The following SV2B variants were observed in gnomAD, a reference collection of about 807,000 sequenced individuals.
SV2B encodes synaptic vesicle glycoprotein 2B, also known as solute carrier family 22 member B2.
Under a neutral mutation model 73.9 loss-of-function variants are expected in SV2B, and 41 were observed. The observed-to-expected ratio is 0.56, with a 90% CI of 0.43 to 0.72. The LOEUF is 0.72. Ranked by LOEUF, SV2B falls within the 30% of genes least tolerant of loss-of-function variation. The pLI is 0.00. For synonymous variants in SV2B, 314 were observed against 314.2 expected (o/e 1.00, Z 0.01); for missense variants, 764 against 857.8 (o/e 0.89, Z 1.37).
intron 1 of SV2B, among the ~76,000 whole-genome samples, chr15:91,125,649 C>G (rs995351642): frequency 6.6e-6 from 1 of 151,718 alleles, no homozygotes; most frequent in African/African-American, 2.4e-5. Flanking sequence ...GTGGTGCACG[C>G]CTGTAGTCCC....
rs113626983 is a variant in SV2B, at chr15:91,271,002, G to C, written c.1373+2397G>C. On this transcript the variant is annotated intron_variant, in intron 9 of 12. Coordinates refer to ENST00000394232, the MANE Select transcript of SV2B (RefSeq NM_001323032.3). ...GCGGACGGTGAGTCCTGTGGATGAT[G>C]GGAGGACGGTGAGTCCTGTGGATGA... 9.3e-5 allele frequency among the ~76,000 whole-genome samples: 14 copies of C among 150,530 alleles called. 1 individual carries two copies. Among genetic ancestry groups the C allele is most frequent in the African/African-American group, 3.2e-4 (13 of 40,224 alleles).
At position 91,267,653 on chromosome 15, in the gene SV2B, G is replaced by T. The variant is rs769294570; in HGVS notation, c.1208+10G>T. 1 of 1,606,862 alleles carries T rather than the reference G, an allele frequency of 6.2e-7. No homozygotes were observed. The highest frequency in any genetic ancestry group is 8.5e-7 in the Non-Finnish European group (1 of 1,175,708). On this transcript the variant is annotated intron_variant, in intron 8 of 12. Coordinates refer to ENST00000394232, the MANE Select transcript of SV2B (RefSeq NM_001323032.3). The surrounding 1 kb of genome is among the most constrained non-coding windows in gnomAD (Gnocchi z 4.3). ...TTGCCATGGCATTCAGGTAAGTTCTGTCTTACTTAAATTTCGTAATTCCCT... is the reference window on the plus strand; with the variant it reads ...TTGCCATGGCATTCAGGTAAGTTCTTTCTTACTTAAATTTCGTAATTCCCT...
chr15:91,294,704 C>G lies in SV2B; in HGVS notation c.*2152C>G, dbSNP rs1160732059. ...AAAAAACTTGCAGGACAGTTAGAGC[C>G]TGCATTTCTAGTTAAGATGGATCTT... On this transcript the variant is annotated 3_prime_UTR_variant, in exon 13 of 13. Coordinates refer to ENST00000394232, the MANE Select transcript of SV2B (RefSeq NM_001323032.3). This position sits in a 1 kb window ranked among gnomAD's most constrained non-coding sequence, Gnocchi z 4.1. The G allele has an allele frequency of 1.3e-5, 2 of 152,168 alleles. No homozygotes were observed. Among genetic ancestry groups the G allele is most frequent in the Non-Finnish European group, 2.9e-5 (2 of 68,032 alleles). The allele number at this position is 152,168 out of a possible 1,614,324, so 9.4% of individuals were successfully genotyped here. A position where few individuals can be genotyped will look rare whatever the true frequency, so the allele number is the denominator to read the frequency against.
In SV2B at chr15:91,226,591, A is replaced by G; in HGVS notation, c.328A>G (p.Ile110Val). The change falls in exon 2 of 13, where the codon ATC becomes GTC. Residue 110 changes from isoleucine to valine, a missense_variant. Ile to Val is a conservative substitution (Grantham distance 29, BLOSUM62 3). Coordinates refer to ENST00000394232, the MANE Select transcript of SV2B (RefSeq NM_001323032.3). Reference sequence around the variant, plus strand: ...GTGTGGCCATGGCCGCTTCCAGTGGATCCTCTTTTTCGTCTTGGGTTTGGC... The same window carrying G: ...GTGTGGCCATGGCCGCTTCCAGTGGGTCCTCTTTTTCGTCTTGGGTTTGGC... ...DECGHGRFQWILFFVLGLALM... is the reference protein window; with the variant it reads ...DECGHGRFQWVLFFVLGLALM... The G allele has an allele frequency of 1.9e-6, 3 of 1,614,104 alleles. No individual in the cohort carries two copies. The highest frequency in any genetic ancestry group is 2.5e-6 in the Non-Finnish European group (3 of 1,180,006).
At chr15:91,185,241 A>AT (rs2141330557) in intron 1 of SV2B, among the ~76,000 whole-genome samples, 1 of 152,292 alleles carries the variant, frequency 6.6e-6, no homozygotes, top group South Asian at 2.1e-4. Context: ...AGCTAATCCA[A>AT]TTAAAGGATA....
At chr15:91,166,621 C>A (rs879803704) in intron 1 of SV2B, among the ~76,000 whole-genome samples, 3 of 151,824 alleles carry the variant, frequency 2.0e-5, no homozygotes, top group Admixed American at 2.0e-4. Flanking sequence ...CCATAGGTCC[C>A]GAATCTGTAT....
rs1403350808 is a variant in SV2B, at chr15:91,300,077, T to C, written c.*7525T>C. Reference sequence around the variant, plus strand: ...GTTTAATATACTTGCTGTGCACTAGTCAGTTTTGATTCAGGTTACATAAGG... The same window carrying C: ...GTTTAATATACTTGCTGTGCACTAGCCAGTTTTGATTCAGGTTACATAAGG... On this transcript the variant is annotated 3_prime_UTR_variant, in exon 13 of 13. Transcript: ENST00000394232. 1 of 152,220 alleles carries C rather than the reference T, an allele frequency of 6.6e-6. No homozygotes were observed. Among genetic ancestry groups the C allele is most frequent in the Non-Finnish European group, 1.5e-5 (1 of 68,018 alleles). 9.4% of individuals were successfully genotyped at this position (152,220 alleles called of 1,614,324 possible). A position where few individuals can be genotyped will look rare whatever the true frequency, so the allele number is the denominator to read the frequency against.
rs61470181 is a variant in SV2B, at chr15:91,136,955, T to A, written c.-392+36592T>A. Among the ~76,000 whole-genome samples, 11,511 of 152,180 alleles carry A rather than the reference T, an allele frequency of 0.076. 1,486 individuals are homozygous for A. Among genetic ancestry groups the A allele is most frequent in the African/African-American group, 0.26 (10,835 of 41,446 alleles). On this transcript the variant is annotated intron_variant, in intron 1 of 12. Transcript: ENST00000394232. The surrounding 1 kb of genome is among the most constrained non-coding windows in gnomAD (Gnocchi z 5.6). ...GGATTTTGGCAGATGAAGGAAAAAC[T>A]ATCTGCTCCTGAATGAAAATTTGAT...
At position 91,197,485 on chromosome 15, in the gene SV2B, T is replaced by A. The variant is rs56007605; in HGVS notation, c.-391-28388T>A. Among the ~76,000 whole-genome samples, 5,214 of 151,052 alleles carry A rather than the reference T, an allele frequency of 0.035. 287 individuals carry two copies. The highest frequency in any genetic ancestry group is 0.12 in the African/African-American group (4,814 of 41,158). ...GTCATCCACCTGCCTCGGCCTCCCA[T>A]AGTGCTGGGATTACAGGCGTGAGCC... On this transcript the variant is annotated intron_variant, in intron 1 of 12. Transcript: ENST00000394232. The surrounding 1 kb of genome is among the most constrained non-coding windows in gnomAD (Gnocchi z 4.9).
intron 1 of SV2B, among the ~76,000 whole-genome samples, chr15:91,212,103 T>A (rs2045889418): frequency 6.6e-6 from 1 of 152,236 alleles, no homozygotes; most frequent in Admixed American, 6.5e-5. Flanking sequence ...TTCTAGATGC[T>A]CTCTTAGATA....
chr15:91,101,521 T>C (rs1232283331), intron 1 of SV2B, among the ~76,000 whole-genome samples: 4 of 151,960 alleles, frequency 2.6e-5, no homozygotes, highest in African/African-American at 9.7e-5. Context: ...TCACACCTGG[T>C]AGGGGGAGAA....
rs115255085 is a variant in SV2B, at chr15:91,113,046, A to C, written c.-392+12683A>C. 6.0e-3 allele frequency among the ~76,000 whole-genome samples: 912 copies of C among 152,218 alleles called. 8 individuals carry two copies. The highest frequency in any genetic ancestry group is 0.021 in the African/African-American group (859 of 41,516). ...GGGGTCTCCCTATTTTGCCCAGACT[A>C]GTCCTGAATTCCTGGCCTGAAGCGG... On this transcript the variant is annotated intron_variant, in intron 1 of 12. Transcript: ENST00000394232.
At position 91,267,599 on chromosome 15, in the gene SV2B, G is replaced by T; in HGVS notation, c.1164G>T (p.Met388Ile). 1 of 1,613,434 alleles carries T rather than the reference G, an allele frequency of 6.2e-7. No homozygotes were observed. The highest frequency in any genetic ancestry group is 2.2e-5 in the East Asian group (1 of 44,870). Reference sequence around the variant, plus strand: ...ACTGTGTGATGGGGCCCTACAGAATGAATACACTGATTCTGGCCGTGGTTT... The same window carrying T: ...ACTGTGTGATGGGGCCCTACAGAATTAATACACTGATTCTGGCCGTGGTTT... ...ALYCVMGPYR[M>I]NTLILAVVWF... Residue 388 changes from methionine to isoleucine, a missense_variant, in exon 8 of 13, where the codon ATG (methionine) becomes ATT (isoleucine). Met to Ile is a conservative substitution (Grantham distance 10, BLOSUM62 1). Coordinates refer to ENST00000394232, the MANE Select transcript of SV2B (RefSeq NM_001323032.3). This position sits in a 1 kb window ranked among gnomAD's most constrained non-coding sequence, Gnocchi z 4.3.
intron 1 of SV2B, among the ~76,000 whole-genome samples, chr15:91,114,127 T>C (rs1432587634): frequency 1.5e-5 from 2 of 131,910 alleles, no homozygotes; most frequent in African/African-American, 5.9e-5. Flanking sequence ...GAGCTTGCAG[T>C]GAGCCGAGAT....
intron 1 of SV2B, among the ~76,000 whole-genome samples, chr15:91,217,970 C>T (rs2046091008): frequency 6.6e-6 from 1 of 152,216 alleles, no homozygotes; most frequent in South Asian, 2.1e-4. Context: ...TCAGTACTCA[C>T]TATTGCTATG....
intron 1 of SV2B, among the ~76,000 whole-genome samples, chr15:91,182,654 A>G (rs1407752156): frequency 6.6e-6 from 1 of 152,242 alleles, no homozygotes; most frequent in Non-Finnish European, 1.5e-5. Context: ...ACGATGGGTC[A>G]GCATGAAGTC....
chr15:91,164,117 G>T (rs750292328), intron 1 of SV2B, among the ~76,000 whole-genome samples: 1 of 152,080 alleles, frequency 6.6e-6, no homozygotes, highest in Non-Finnish European at 1.5e-5. Context: ...TGTTTCATTG[G>T]TCTATATCTC....
chr15:91,112,969 C>T (rs2014773290), intron 1 of SV2B, among the ~76,000 whole-genome samples: 1 of 152,116 alleles, frequency 6.6e-6, no homozygotes, highest in Non-Finnish European at 1.5e-5. Flanking sequence ...AGGCAAACAC[C>T]ATCATTCCTG....
chr15:91,145,713 T>C (rs1396699314), intron 1 of SV2B, among the ~76,000 whole-genome samples: 1 of 152,200 alleles, frequency 6.6e-6, no homozygotes, highest in African/African-American at 2.4e-5. Flanking sequence ...CTCATTGTGG[T>C]TTTGATTTGT....
Sources: gnomAD v4.1 joint callset for allele counts (sites outside exome capture counted in the v4.1 genomes callset) on GRCh38, gnomAD v4.1.1 for gene constraint, Gnocchi (gnomAD v3.1) non-coding constraint, MANE v1.5 for transcripts, NCBI Gene and HGNC (gene_info 2026-07-23, HGNC 2026-07-21) for gene names.